ALDH1L1: variants seen among roughly 807,000 people sequenced by gnomAD.
The protein encoded by ALDH1L1 is cytosolic 10-formyltetrahydrofolate dehydrogenase.
Under a neutral mutation model 101.1 loss-of-function variants are expected in ALDH1L1, and 68 were observed. That is an observed-to-expected ratio of 0.67 (90% confidence interval 0.55 to 0.82). ALDH1L1 has a LOEUF of 0.82. Among genes scored for constraint, ALDH1L1 ranks in the 40% least tolerant of loss-of-function variants. The pLI is 0.00. For synonymous variants in ALDH1L1, 486 were observed against 470.8 expected, an observed-to-expected ratio of 1.03 and a Z score of -0.42; for missense variants, 1,087 against 1,172.7, an observed-to-expected ratio of 0.93 and a Z score of 1.07.
At chr3:126,134,161 C>A (rs1316995020) in intron 12 of ALDH1L1, among the ~76,000 whole-genome samples, 1 of 152,194 alleles carries the variant, frequency 6.6e-6, no homozygotes, top group Non-Finnish European at 1.5e-5. Context: ...GACACCTAGA[C>A]CCAGCCTCTG....
chr3:126,137,703 G>A, intron 10 of ALDH1L1, 110 bp downstream of exon 10: 2 of 1,450,236 alleles, frequency 1.4e-6, no homozygotes, highest in Non-Finnish European at 1.8e-6. Context: ...GTGGGCTCCT[G>A]GGGCCCTGGC....
At chr3:126,176,276 T>A (rs1319835532) in intron 1 of ALDH1L1, among the ~76,000 whole-genome samples, 2 of 152,170 alleles carry the variant, frequency 1.3e-5, no homozygotes. Context: ...ATCTATAGAT[T>A]CAATGCAATC....
chr3:126,131,622 G>C, intron 12 of ALDH1L1, 88 bp from the exon 13 acceptor site: 1 of 1,442,938 alleles, frequency 6.9e-7, no homozygotes, highest in Non-Finnish European at 9.3e-7. Context: ...AGGAGCTGGG[G>C]TCCTGCCCTC....
intron 3 of ALDH1L1, 60 bp downstream of exon 3, chr3:126,158,345 A>G: frequency 7.0e-7 from 1 of 1,430,430 alleles, no homozygotes; most frequent in Admixed American, 2.1e-5. Flanking sequence ...GAAAGTGACA[A>G]GTCAGGCTGA....
intron 1 of ALDH1L1, among the ~76,000 whole-genome samples, chr3:126,197,442 C>G (rs1301301668): frequency 2.6e-5 from 4 of 152,136 alleles, no homozygotes; most frequent in Non-Finnish European, 4.4e-5. Context: ...TTTTAAAAGC[C>G]AAATTTTACA....
At chr3:126,197,841 AG>A (rs894647195) in exon 1 of ALDH1L1, 1 of 152,216 alleles carries the variant, frequency 6.6e-6, no homozygotes, top group Non-Finnish European at 1.5e-5. Context: ...AATTTAAAAA[AG>A]TTTAATTGAG....
In ALDH1L1 at chr3:126,120,457, G is replaced by A. The variant is rs192629995; in HGVS notation, c.1889-2359C>T. Among the ~76,000 whole-genome samples, 253 of 152,278 alleles carry A rather than the reference G, an allele frequency of 1.7e-3. 2 individuals carry two copies. The highest frequency in any genetic ancestry group is 7.5e-4 in the Non-Finnish European group (51 of 68,028). ...CAAGAAAAAGATCACTGGTTGCCAG[G>A]GATTAGACAGAGGAAGAGATAAAAG... is the stretch of plus-strand genomic sequence containing the variant. On this transcript the variant is annotated intron_variant, in intron 16 of 22. Transcript: ENST00000393434.
At chr3:126,150,636 C>A in intron 7 of ALDH1L1, 105 bp from the exon 8 acceptor site, 1 of 1,338,824 alleles carries the variant, frequency 7.5e-7, no homozygotes, top group Non-Finnish European at 1.0e-6. Context: ...CTCACTACAA[C>A]CTCCGCCTCC....
rs1280367948 is a variant in ALDH1L1 at position 126,137,920 on chromosome 3, A to T, written c.1117T>A (p.Leu373Ile). ...GCCATGTACACATCTTCATTTTCTA[A>T]CTCCAGGCCATCACACAGCTCCTTC... ...EVKELCDGLELENEDVYMAST... is the reference protein window; with the variant it reads ...EVKELCDGLEIENEDVYMAST... The change falls in exon 10 of 23, where the codon TTA becomes ATA. Residue 373 changes from leucine to isoleucine, a missense_variant. Leu to Ile is a conservative substitution (Grantham distance 5). Around this residue, in one of 2 missense-constraint regions of ALDH1L1, gnomAD observed 645 missense variants for 637.0 expected, o/e 1.01. Transcript: ENST00000393434. The T allele has an allele frequency of 2.5e-6, 4 of 1,613,608 alleles. No individual in the cohort carries two copies. The highest frequency in any genetic ancestry group is 1.3e-5 in the African/African-American group (1 of 74,784).
chr3:126,118,235 G>A, intron 16 of ALDH1L1, 137 bp from the exon 17 acceptor site: 2 of 695,292 alleles, frequency 2.9e-6, no homozygotes, highest in Admixed American at 2.2e-5. Context: ...TCCCCATGGT[G>A]CCTGGGGCTC....
upstream of ALDH1L1, chr3:126,180,784 G>C (rs1005078264): frequency 1.3e-6 from 2 of 1,482,850 alleles, no homozygotes; most frequent in Non-Finnish European, 1.8e-6. Flanking sequence ...TTCCCGCTTA[G>C]GTCAAGAAGA....
intron 16 of ALDH1L1, among the ~76,000 whole-genome samples, chr3:126,118,521 T>C (rs2080019237): frequency 6.6e-6 from 1 of 152,118 alleles, no homozygotes; most frequent in African/African-American, 2.4e-5. Flanking sequence ...CTGACGCTGC[T>C]GACACCCTGA....
intron 1 of ALDH1L1, among the ~76,000 whole-genome samples, chr3:126,163,639 T>C (rs963637344): frequency 4.6e-5 from 7 of 152,136 alleles, no homozygotes; most frequent in African/African-American, 1.7e-4. Flanking sequence ...TGACAAGGAG[T>C]TGACTTTTAC....
intron 15 of ALDH1L1, among the ~76,000 whole-genome samples, chr3:126,125,352 C>T (rs935212425): frequency 4.6e-5 from 7 of 152,344 alleles, no homozygotes; most frequent in African/African-American, 1.7e-4. Context: ...CCTGCCTCTG[C>T]TCACCCGAGC....
chr3:126,170,813 C>A (rs955654773), intron 1 of ALDH1L1, among the ~76,000 whole-genome samples: 3 of 152,168 alleles, frequency 2.0e-5, no homozygotes, highest in Non-Finnish European at 4.4e-5. Context: ...CTTCTAACTA[C>A]AAGCAGCCAG....
intron 5 of ALDH1L1, among the ~76,000 whole-genome samples, chr3:126,154,926 AG>A (rs1480415224): frequency 6.6e-6 from 1 of 152,182 alleles, no homozygotes; most frequent in Non-Finnish European, 1.5e-5. Context: ...CAATGTACTC[AG>A]GCCCGTCCCA....
chr3:126,112,701 T>C, intron 19 of ALDH1L1, 81 bp downstream of exon 19: 1 of 1,375,528 alleles, frequency 7.3e-7, no homozygotes, highest in Non-Finnish European at 1.0e-6. Flanking sequence ...CCCTGCCCTG[T>C]CTCCCCTCCT....
At chr3:126,165,280 G>A (rs2081142910) in intron 1 of ALDH1L1, among the ~76,000 whole-genome samples, 2 of 152,078 alleles carry the variant, frequency 1.3e-5, no homozygotes, top group African/African-American at 4.8e-5. Context: ...GCCCACTTAA[G>A]CACAGTATAT....
At chr3:126,132,882 A>T (rs968761345) in intron 12 of ALDH1L1, among the ~76,000 whole-genome samples, 1 of 152,240 alleles carries the variant, frequency 6.6e-6, no homozygotes, top group East Asian at 1.9e-4. Flanking sequence ...GCTCCAGCAC[A>T]GCACTGGGAA....
Sources: gnomAD v4.1 joint callset for allele counts (sites outside exome capture counted in the v4.1 genomes callset) on GRCh38, gnomAD v4.1.1 for gene constraint, gnomAD v4.1.1 regional missense constraint, MANE v1.5 for transcripts, NCBI Gene and HGNC (gene_info 2026-07-23, HGNC 2026-07-21) for gene names.